ABCA13: variants seen among roughly 807,000 people sequenced by gnomAD.
ABCA13 encodes the protein ATP binding cassette subfamily A member 13.
ABCA13 carries 476 observed loss-of-function variants against 478.7 expected under a neutral mutation model. That is an observed-to-expected ratio of 0.99 (90% CI 0.92 to 1.07). The LOEUF (loss-of-function observed/expected upper bound fraction) is 1.07, where lower values mean the gene tolerates loss of function less well. Ranked by LOEUF, ABCA13 falls within the 50% of genes least tolerant of loss-of-function variation. The pLI, the probability that ABCA13 is intolerant of heterozygous loss-of-function variation, is 0.00. For missense variants in ABCA13, 6,060 were observed against 5,910.6 expected (o/e 1.03, Z -0.83); for synonymous variants, 2,252 against 2,158.9 (o/e 1.04, Z -1.20).
chr7:48,599,733 A>G (rs2131470234), intron 58 of ABCA13, among the ~76,000 whole-genome samples: 1 of 152,220 alleles, frequency 6.6e-6, no homozygotes, highest in Middle Eastern at 3.4e-3. Context: ...TAAATGCATA[A>G]TTGTGGTTGT....
At chr7:48,255,774 T>A (rs1422782384) in intron 15 of ABCA13, among the ~76,000 whole-genome samples, 1 of 152,194 alleles carries the variant, frequency 6.6e-6, no homozygotes, top group African/African-American at 2.4e-5. Flanking sequence ...TGAACATATG[T>A]GTGCATGTGT....
chr7:48,363,449 TGACAA>T (rs1445812222), intron 31 of ABCA13, among the ~76,000 whole-genome samples: 5 of 152,162 alleles, frequency 3.3e-5, no homozygotes, highest in Admixed American at 2.6e-4. Flanking sequence ...TTTTCTATGA[TGACAA>T]GACAAGTCCT....
intron 55 of ABCA13, among the ~76,000 whole-genome samples, chr7:48,544,945 G>T (rs1784685325): frequency 6.6e-6 from 1 of 151,908 alleles, no homozygotes; most frequent in African/African-American, 2.4e-5. Context: ...GCTGGTGTCT[G>T]CTGCAGAAAT....
intron 27 of ABCA13, among the ~76,000 whole-genome samples, chr7:48,333,289 T>C (rs891836167): frequency 3.3e-5 from 5 of 152,196 alleles, no homozygotes; most frequent in Admixed American, 6.5e-5. Context: ...GGAGAATCCA[T>C]GTGGTTCTTT....
intron 55 of ABCA13, among the ~76,000 whole-genome samples, chr7:48,563,828 G>T (rs1383630640): frequency 1.4e-5 from 1 of 71,372 alleles, no homozygotes; most frequent in African/African-American, 8.2e-5. Flanking sequence ...GTGTGTGTGT[G>T]TGTGTGTGTG....
chr7:48,271,549 T>A (rs555845732), intron 16 of ABCA13, among the ~76,000 whole-genome samples: 77 of 152,254 alleles, frequency 5.1e-4, no homozygotes, highest in African/African-American at 1.7e-3. Flanking sequence ...GGGAAAATAA[T>A]TGAGAATGCT....
At chr7:48,280,060 C>A in intron 18 of ABCA13, 140 bp downstream of exon 18, 1 of 862,562 alleles carries the variant, frequency 1.2e-6, no homozygotes, top group Non-Finnish European at 1.6e-6. Context: ...TTGGCTTCAA[C>A]ATAGAGCAAT....
intron 38 of ABCA13, among the ~76,000 whole-genome samples, chr7:48,398,750 A>G (rs1345034465): frequency 6.6e-6 from 1 of 152,212 alleles, no homozygotes; most frequent in African/African-American, 2.4e-5. Context: ...TTGGAGGTAC[A>G]TTTGTTTGAT....
At chr7:48,228,824 G>A (rs1788635225) in intron 6 of ABCA13, among the ~76,000 whole-genome samples, 1 of 152,172 alleles carries the variant, frequency 6.6e-6, no homozygotes, top group African/African-American at 2.4e-5. Context: ...CTTGCCCGAA[G>A]CTCTGACTGT....
intron 42 of ABCA13, among the ~76,000 whole-genome samples, chr7:48,453,765 C>T (rs73330043): frequency 5.9e-4 from 90 of 152,318 alleles, no homozygotes; most frequent in African/African-American, 2.1e-3. Context: ...CGACTCTTTC[C>T]AGCCTGACAC....
chr7:48,342,020 A>G lies in ABCA13; in HGVS notation c.10204+3565A>G, dbSNP rs1362483735. Among the ~76,000 whole-genome samples, 8 of 149,776 alleles carry G rather than the reference A, an allele frequency of 5.3e-5. No homozygotes were observed. In the East Asian group the frequency reaches 1.6e-3, roughly 29 times the overall value. ...CATCTCACTAATTTTGATATCTTGT[A>G]TTTTCACTCTCATTCAGTTAAGCAT... On this transcript the variant is annotated intron_variant, in intron 29 of 61. Coordinates refer to ENST00000435803, the MANE Select transcript of ABCA13 (RefSeq NM_152701.5).
Position 48,372,157 on chromosome 7 carries a change from C to G in ABCA13, c.10804-11C>G, listed in dbSNP as rs199915686. 5 of 1,601,982 alleles carry G rather than the reference C, an allele frequency of 3.1e-6. No homozygotes were observed. In the South Asian group the frequency reaches 5.6e-5, roughly 18 times the overall value. On this transcript the variant is annotated splice_polypyrimidine_tract_variant and intron_variant, in intron 32 of 61. Transcript: ENST00000435803. ...GCTGTGGTAACCTTGGGTTTTTTCT[C>G]TTTTTGGTAGTATATGCGGATGATG...
chr7:48,551,630 T>A (rs10269759), intron 55 of ABCA13, among the ~76,000 whole-genome samples: 22,458 of 145,520 alleles, frequency 0.15, 2,158 homozygotes, highest in East Asian at 0.3. Context: ...TTTTTTTTTT[T>A]AAGATATATG....
intron 43 of ABCA13, among the ~76,000 whole-genome samples, chr7:48,458,903 G>T (rs1470183139): frequency 6.6e-6 from 1 of 152,162 alleles, no homozygotes; most frequent in Non-Finnish European, 1.5e-5. Context: ...TTTGTAACCA[G>T]ACCTCCACAG....
Position 48,279,790 on chromosome 7 carries a change from G to A in ABCA13, c.8596G>A (p.Glu2866Lys). 9 of 1,604,800 alleles carry A rather than the reference G, an allele frequency of 5.6e-6. No individual in the cohort carries two copies. The highest frequency in any genetic ancestry group is 7.6e-6 in the Non-Finnish European group (9 of 1,177,560). The stretch of plus-strand genomic sequence containing the variant: ...CGGAAAGAATGTCACATCAGAAAAA[G>A]AAGAGAGAACCAAGAAAGAGATGAT... ...TTGKNVTSEK[E>K]ERTKKEMIDF... The change falls in exon 18 of 62, where the codon GAA (glutamate) becomes AAA (lysine). Residue 2866 changes from glutamate (E) to lysine (K), a missense_variant. Around this residue, in one of 3 missense-constraint regions of ABCA13, gnomAD observed 4,423 missense variants for 4,309.1 expected, o/e 1.03. Transcript: ENST00000435803.
At chr7:48,427,136 C>A (rs1200220246) in intron 41 of ABCA13, among the ~76,000 whole-genome samples, 1 of 152,222 alleles carries the variant, frequency 6.6e-6, no homozygotes, top group Admixed American at 6.5e-5. Flanking sequence ...CACCCCACCT[C>A]ATTTCCCTTT....
chr7:48,230,534 G>A (rs1297391677), intron 7 of ABCA13, among the ~76,000 whole-genome samples: 1 of 151,974 alleles, frequency 6.6e-6, no homozygotes, highest in African/African-American at 2.4e-5. Context: ...TTTCTCTAAG[G>A]GAAATACAGT....
intron 35 of ABCA13, among the ~76,000 whole-genome samples, chr7:48,379,066 T>A (rs931420328): frequency 2.6e-5 from 4 of 152,182 alleles, no homozygotes; most frequent in South Asian, 2.1e-4. Context: ...TTACAGAATT[T>A]AAAAAAAATC....
chr7:48,627,608 G>T (rs1388450033), intron 59 of ABCA13, among the ~76,000 whole-genome samples: 1 of 152,144 alleles, frequency 6.6e-6, no homozygotes, highest in African/African-American at 2.4e-5. Context: ...ATTTTGAAAA[G>T]AAATGGAGGA....
Sources: gnomAD v4.1 joint callset for allele counts (sites outside exome capture counted in the v4.1 genomes callset) on GRCh38, gnomAD v4.1.1 for gene constraint, gnomAD v4.1.1 regional missense constraint, MANE v1.5 for transcripts, NCBI Gene and HGNC (gene_info 2026-07-23, HGNC 2026-07-21) for gene names.